ANGPT1: variants seen among roughly 807,000 people sequenced by gnomAD.
ANGPT1 encodes angiopoietin-1.
A neutral mutation model predicts 62.2 loss-of-function variants in ANGPT1; 17 were observed. The ratio of observed to expected loss-of-function variants is 0.27; its 90% confidence interval spans 0.19 to 0.41. ANGPT1 has a LOEUF of 0.41. Among genes scored for constraint, ANGPT1 ranks in the 10% least tolerant of loss-of-function variants. The pLI is 1.00. For missense variants in ANGPT1, 478 were observed against 594.9 expected, an observed-to-expected ratio of 0.80 and a Z score of 2.04; for synonymous variants, 199 against 198.9, an observed-to-expected ratio of 1.00 and a Z score of 0.00.
chr8:107,364,051 G>A (rs1183337588), intron 1 of ANGPT1, among the ~76,000 whole-genome samples: 1 of 152,006 alleles, frequency 6.6e-6, no homozygotes, highest in East Asian at 1.9e-4. Flanking sequence ...CTACAGGCTG[G>A]CCATAAAGTC....
intron 4 of ANGPT1, among the ~76,000 whole-genome samples, chr8:107,309,162 A>T (rs1026089681): frequency 2.0e-5 from 3 of 152,212 alleles, no homozygotes; most frequent in Non-Finnish European, 4.4e-5. Flanking sequence ...TAAAGAAATC[A>T]GTTCTTCAAT....
intron 1 of ANGPT1, among the ~76,000 whole-genome samples, chr8:107,481,353 T>C (rs572004224): frequency 1.7e-3 from 252 of 151,672 alleles, no homozygotes; most frequent in African/African-American, 5.9e-3. Context: ...GCCAACATGG[T>C]GAAAGCCCAT....
At chr8:107,425,330 T>C (rs1811012117) in intron 1 of ANGPT1, among the ~76,000 whole-genome samples, 1 of 152,194 alleles carries the variant, frequency 6.6e-6, no homozygotes, top group Admixed American at 6.5e-5. Context: ...TTTCTGTTTA[T>C]TCGCTGACTT....
intron 1 of ANGPT1, among the ~76,000 whole-genome samples, chr8:107,381,481 G>C (rs749270681): frequency 6.6e-6 from 1 of 152,186 alleles, no homozygotes; most frequent in Admixed American, 6.6e-5. Flanking sequence ...ATCTTTGAAA[G>C]AGAAGAGTAG....
At chr8:107,496,945 C>G (rs1813116174) in intron 1 of ANGPT1, among the ~76,000 whole-genome samples, 1 of 152,168 alleles carries the variant, frequency 6.6e-6, no homozygotes, top group Admixed American at 6.6e-5. Flanking sequence ...GAGGTACATA[C>G]TTTCTTTCTT....
At chr8:107,469,212 A>G (rs906743005) in intron 1 of ANGPT1, among the ~76,000 whole-genome samples, 1 of 152,034 alleles carries the variant, frequency 6.6e-6, no homozygotes, top group African/African-American at 2.4e-5. Context: ...TGCAAAGTAC[A>G]TTTTTAGTAC....
At chr8:107,378,897 T>G (rs1816581095) in intron 1 of ANGPT1, among the ~76,000 whole-genome samples, 1 of 150,654 alleles carries the variant, frequency 6.6e-6, no homozygotes, top group Non-Finnish European at 1.5e-5. Context: ...TTTGTAACAG[T>G]GTGAAAATGA....
At chr8:107,295,131 C>T (rs1221196444) in intron 5 of ANGPT1, 1 of 152,130 alleles carries the variant, frequency 6.6e-6, no homozygotes, top group African/African-American at 2.4e-5. Flanking sequence ...GCGAATTGTC[C>T]ATGTACTTCC....
At chr8:107,467,730 A>AT (rs1286521567) in intron 1 of ANGPT1, among the ~76,000 whole-genome samples, 2 of 152,132 alleles carry the variant, frequency 1.3e-5, no homozygotes, top group African/African-American at 2.4e-5. Context: ...TTAAGAACAG[A>AT]TAAAAAAGAA....
chr8:107,366,488 T>C (rs967950814), intron 1 of ANGPT1, among the ~76,000 whole-genome samples: 9 of 152,216 alleles, frequency 5.9e-5, no homozygotes, highest in African/African-American at 2.2e-4. Context: ...GTTTGCTGTG[T>C]TTTTTTAAGA....
chr8:107,392,538 A>C (rs1045982788), intron 1 of ANGPT1, among the ~76,000 whole-genome samples: 14 of 152,146 alleles, frequency 9.2e-5, no homozygotes, highest in African/African-American at 3.4e-4. Context: ...ATCAGTTTGC[A>C]GGCAATTTTT....
intron 1 of ANGPT1, among the ~76,000 whole-genome samples, chr8:107,363,098 T>C (rs1816201015): frequency 6.6e-6 from 1 of 152,002 alleles, no homozygotes; most frequent in African/African-American, 2.4e-5. Flanking sequence ...TTTTTTTTTT[T>C]TTTTTTCTCC....
chr8:107,280,860 G>A (rs1320173594), intron 7 of ANGPT1, among the ~76,000 whole-genome samples: 1 of 152,064 alleles, frequency 6.6e-6, no homozygotes, highest in African/African-American at 2.4e-5. Context: ...CAGCATGGAA[G>A]ATATATATGA....
chr8:107,420,399 CAA>C (rs1395512336), intron 1 of ANGPT1, among the ~76,000 whole-genome samples: 2 of 151,976 alleles, frequency 1.3e-5, no homozygotes, highest in Non-Finnish European at 2.9e-5. Context: ...AAAAAAACAA[CAA>C]AAAAATTGCT....
At chr8:107,342,448 G>C (rs953706311) in intron 2 of ANGPT1, among the ~76,000 whole-genome samples, 1 of 152,174 alleles carries the variant, frequency 6.6e-6, no homozygotes, top group Non-Finnish European at 1.5e-5. Flanking sequence ...GGCCCAGACA[G>C]TAAACATCTT....
At chr8:107,357,345 T>C (rs1447917319) in intron 1 of ANGPT1, among the ~76,000 whole-genome samples, 2 of 152,224 alleles carry the variant, frequency 1.3e-5, no homozygotes, top group Non-Finnish European at 2.9e-5. Context: ...GGGATCTTTT[T>C]TTAACTAAAC....
chr8:107,451,677 A>G (rs1249723236), intron 1 of ANGPT1, among the ~76,000 whole-genome samples: 1 of 151,960 alleles, frequency 6.6e-6, no homozygotes, highest in African/African-American at 2.4e-5. Flanking sequence ...ATAGAATGGG[A>G]AAACAGATAC....
At chr8:107,271,618 C>A (rs1468752710) in intron 7 of ANGPT1, among the ~76,000 whole-genome samples, 4 of 151,864 alleles carry the variant, frequency 2.6e-5, no homozygotes, top group African/African-American at 9.7e-5. Context: ...GCCCCATATC[C>A]TTTGGAAGTT....
chr8:107,376,819 T>C (rs1380480918), intron 1 of ANGPT1, among the ~76,000 whole-genome samples: 1 of 152,216 alleles, frequency 6.6e-6, no homozygotes, highest in African/African-American at 2.4e-5. Context: ...GAAACATTAT[T>C]TCTAAGCTAT....
Sources: gnomAD v4.1 joint callset for allele counts (sites outside exome capture counted in the v4.1 genomes callset) on GRCh38, gnomAD v4.1.1 for gene constraint, MANE v1.5 for transcripts, NCBI Gene and HGNC (gene_info 2026-07-23, HGNC 2026-07-21) for gene names.